HDAC1: variants seen among roughly 807,000 people sequenced by gnomAD.
The protein encoded by HDAC1 is protein deacetylase HDAC1.
HDAC1 carries 18 observed loss-of-function variants against 65.5 expected under a neutral mutation model. The observed-to-expected ratio is 0.27, with a 90% CI of 0.19 to 0.41. The LOEUF is 0.41. Ranked by LOEUF, HDAC1 falls within the 10% of genes least tolerant of loss-of-function variation. HDAC1 has a pLI of 1.00. For synonymous variants in HDAC1, 211 were observed against 227.9 expected, an observed-to-expected ratio of 0.93 and a Z score of 0.67; for missense variants, 373 against 625.2, an observed-to-expected ratio of 0.60 and a Z score of 4.30.
chr1:32,318,209 C>A (rs567948031), intron 3 of HDAC1, among the ~76,000 whole-genome samples: 2 of 152,314 alleles, frequency 1.3e-5, no homozygotes, highest in East Asian at 3.9e-4. Context: ...TCGGCTTCCC[C>A]AAGTGCTGGG....
intron 4 of HDAC1, among the ~76,000 whole-genome samples, chr1:32,325,002 C>G (rs985551749): frequency 1.3e-5 from 2 of 152,096 alleles, no homozygotes. Flanking sequence ...AAATGTCCCT[C>G]TGGTTCAGTC....
chr1:32,295,147 C>T (rs1338212408), intron 1 of HDAC1, among the ~76,000 whole-genome samples: 1 of 152,154 alleles, frequency 6.6e-6, no homozygotes, highest in African/African-American at 2.4e-5. Flanking sequence ...AATGTGGTGG[C>T]TCACGCCTAT....
At chr1:32,312,505 G>A (rs376010947) in intron 2 of HDAC1, among the ~76,000 whole-genome samples, 29 of 150,750 alleles carry the variant, frequency 1.9e-4, no homozygotes, top group East Asian at 5.9e-4. Context: ...GTTTACAGGC[G>A]CCCGCCACCA....
intron 3 of HDAC1, among the ~76,000 whole-genome samples, chr1:32,318,960 A>G (rs557744182): frequency 6.6e-6 from 1 of 152,274 alleles, no homozygotes; most frequent in South Asian, 2.1e-4. Flanking sequence ...CTCTACTAAA[A>G]ATACAAAAAT....
chr1:32,317,564 C>T (rs982344004), intron 3 of HDAC1, among the ~76,000 whole-genome samples: 15 of 152,150 alleles, frequency 9.9e-5, no homozygotes, highest in African/African-American at 3.4e-4. Context: ...CTGCTGACCA[C>T]AAGGTAGTCT....
intron 2 of HDAC1, among the ~76,000 whole-genome samples, chr1:32,310,488 A>G (rs1640974845): frequency 1.3e-5 from 2 of 152,154 alleles, no homozygotes; most frequent in African/African-American, 4.8e-5. Flanking sequence ...TAAGGCAAGA[A>G]GATCACTTGA....
chr1:32,328,946 TGGCCCACATCATG>T, intron 6 of HDAC1, 109 bp from the exon 7 acceptor site: 1 of 735,106 alleles, frequency 1.4e-6, no homozygotes, highest in Non-Finnish European at 2.5e-6. Flanking sequence ...TGTTCTGTCC[TGGCCCACATCATG>T]GGCCTAGCTT....
chr1:32,328,853 G>A (rs1641253428), intron 6 of HDAC1, among the ~76,000 whole-genome samples: 2 of 152,114 alleles, frequency 1.3e-5, no homozygotes, highest in Admixed American at 6.5e-5. Flanking sequence ...CAGTCTGGGG[G>A]TAGGCTTAAT....
chr1:32,309,765 A>C (rs145770199), intron 2 of HDAC1, among the ~76,000 whole-genome samples: 1 of 151,128 alleles, frequency 6.6e-6, no homozygotes, highest in Non-Finnish European at 1.5e-5. Flanking sequence ...ATTATAATGC[A>C]CTATAGCCTC....
Position 32,327,300 on chromosome 1 carries a change from TC to T in HDAC1, c.494+226del, listed in dbSNP as rs1641232501. ...CTGCTCAGATCCTGCCTCCAGAGTG[TC>T]CCTGTGTGGCTGGAGTTGACCCTGG... On this transcript the variant is annotated intron_variant, in intron 5 of 13. Coordinates refer to ENST00000373548, the MANE Select transcript of HDAC1 (RefSeq NM_004964.3). The surrounding 1 kb of genome is among the most constrained non-coding windows in gnomAD (Gnocchi z 6.0). 1 of 618,042 alleles carries T rather than the reference TC, an allele frequency of 1.6e-6. No individual in the cohort carries two copies. The highest frequency in any genetic ancestry group is 2.8e-6 in the Non-Finnish European group (1 of 351,480). 38.3% of individuals were successfully genotyped at this position (618,042 alleles called of 1,614,324 possible).
At chr1:32,302,450 T>G (rs767546211) in intron 1 of HDAC1, among the ~76,000 whole-genome samples, 171 bp from the exon 2 acceptor site, 3 of 137,056 alleles carry the variant, frequency 2.2e-5, no homozygotes, top group Non-Finnish European at 4.9e-5. Flanking sequence ...GGGTCCCTGC[T>G]TTTTTTTTTT....
At chr1:32,322,619 G>C (rs1237984812) in intron 3 of HDAC1, among the ~76,000 whole-genome samples, 1 of 152,146 alleles carries the variant, frequency 6.6e-6, no homozygotes, top group Non-Finnish European at 1.5e-5. Flanking sequence ...AGTTCCTCTA[G>C]GTCTGTGAGT....
At chr1:32,312,723 T>G (rs1641006999) in intron 2 of HDAC1, among the ~76,000 whole-genome samples, 1 of 152,126 alleles carries the variant, frequency 6.6e-6, no homozygotes, top group African/African-American at 2.4e-5. Context: ...TCGCCCAGGC[T>G]GGAGTGCAGT....
intron 2 of HDAC1, among the ~76,000 whole-genome samples, chr1:32,312,584 C>T (rs1055778064): frequency 2.0e-4 from 30 of 152,168 alleles, no homozygotes; most frequent in Admixed American, 1.7e-3. Flanking sequence ...TGGTCTCGAA[C>T]TCCTGACTTC....
Position 32,330,926 on chromosome 1 carries a change from A to G in HDAC1, c.979+18A>G, listed in dbSNP as rs535464617. The G allele has an allele frequency of 2.5e-5, 41 of 1,613,692 alleles. No homozygotes were observed. The highest frequency in any genetic ancestry group is 3.1e-5 in the Non-Finnish European group (36 of 1,179,744). On this transcript the variant is annotated intron_variant, in intron 9 of 13. Coordinates refer to ENST00000373548, the MANE Select transcript of HDAC1 (RefSeq NM_004964.3). The surrounding 1 kb of genome is among the most constrained non-coding windows in gnomAD (Gnocchi z 4.2). ...CCCTAATGGTAATAGCTGCAGGGCC[A>G]GGTTCGGCTGGGCTGGGTGGGAGCT... is the stretch of plus-strand genomic sequence containing the variant.
At chr1:32,297,519 A>T (rs1414219608) in intron 1 of HDAC1, among the ~76,000 whole-genome samples, 2 of 152,178 alleles carry the variant, frequency 1.3e-5, no homozygotes, top group Admixed American at 6.6e-5. Context: ...TAATGGCACC[A>T]CTGCACTCAG....
chr1:32,320,142 C>A (rs1170935876), intron 3 of HDAC1, among the ~76,000 whole-genome samples: 4 of 151,816 alleles, frequency 2.6e-5, no homozygotes, highest in South Asian at 2.1e-4. Context: ...ATGGTGTGAA[C>A]CCGACAGGCG....
At chr1:32,308,094 C>T (rs1305039980) in intron 2 of HDAC1, among the ~76,000 whole-genome samples, 4 of 151,514 alleles carry the variant, frequency 2.6e-5, no homozygotes, top group African/African-American at 7.3e-5. Flanking sequence ...CCAAGGTGGG[C>T]GGATCACCTG....
At position 32,331,598 on chromosome 1, in the gene HDAC1, A is replaced by G. The variant is rs1641292375; in HGVS notation, c.1088+16A>G. The G allele has an allele frequency of 1.2e-6, 2 of 1,610,340 alleles. No homozygotes were observed. The highest frequency in any genetic ancestry group is 1.7e-6 in the Non-Finnish European group (2 of 1,176,668). On this transcript the variant is annotated intron_variant, in intron 10 of 13. Transcript: ENST00000373548. This position sits in a 1 kb window ranked among gnomAD's most constrained non-coding sequence, Gnocchi z 4.2. ...AGAAGATCAAGTGAGTATATCCTCC[A>G]GCCACCCCTTGGTTGAACATTCCTG...
Sources: gnomAD v4.1 joint callset for allele counts (sites outside exome capture counted in the v4.1 genomes callset) on GRCh38, gnomAD v4.1.1 for gene constraint, Gnocchi (gnomAD v3.1) non-coding constraint, MANE v1.5 for transcripts, NCBI Gene and HGNC (gene_info 2026-07-23, HGNC 2026-07-21) for gene names.